CABIN1: variants seen among roughly 807,000 people sequenced by gnomAD.
CABIN1 encodes the protein calcineurin binding protein 1.
Under a neutral mutation model 227.7 loss-of-function variants are expected in CABIN1, and 133 were observed. That is an observed-to-expected ratio of 0.58 (90% CI 0.51 to 0.67). The LOEUF is 0.67. Ranked by LOEUF, CABIN1 falls within the 30% of genes least tolerant of loss-of-function variation. CABIN1 has a pLI of 0.00. For synonymous variants in CABIN1, 1,086 were observed against 1,155.1 expected (o/e 0.94, Z 1.21); for missense variants, 2,408 against 2,852.5 (o/e 0.84, Z 3.55).
At chr22:24,152,891 A>G (rs1327597511) in intron 29 of CABIN1, among the ~76,000 whole-genome samples, 1 of 151,970 alleles carries the variant, frequency 6.6e-6, no homozygotes, top group Non-Finnish European at 1.5e-5. Context: ...CAGAGGTTGC[A>G]GTGAGCCAAG....
intron 3 of CABIN1, among the ~76,000 whole-genome samples, chr22:24,038,066 C>T (rs1013751308): frequency 2.0e-4 from 31 of 152,186 alleles, no homozygotes; most frequent in African/African-American, 7.5e-4. Flanking sequence ...CTCCCAGCAC[C>T]TTGATGTTGT....
intron 29 of CABIN1, among the ~76,000 whole-genome samples, chr22:24,159,076 C>G (rs114854849): frequency 0.01 from 1,542 of 152,310 alleles, 24 homozygotes; most frequent in African/African-American, 0.035. Flanking sequence ...TCTCTTCCCC[C>G]CAGGGGCTTC....
At chr22:24,038,009 A>G (rs974864571) in intron 3 of CABIN1, among the ~76,000 whole-genome samples, 3 of 152,238 alleles carry the variant, frequency 2.0e-5, no homozygotes, top group Non-Finnish European at 2.9e-5. Flanking sequence ...ATGGCAAGGT[A>G]TGGGGTGGAT....
chr22:24,175,839 G>A (rs1653918154), intron 34 of CABIN1: 2 of 564,010 alleles, frequency 3.5e-6, no homozygotes, highest in Admixed American at 3.0e-5. Flanking sequence ...GAAGACTCAG[G>A]TGTGGCCCCA....
At chr22:24,167,386 G>A (rs931857773) in intron 32 of CABIN1, 73 bp downstream of exon 32, 4 of 1,470,594 alleles carry the variant, frequency 2.7e-6, no homozygotes, top group Non-Finnish European at 2.8e-6. Flanking sequence ...CTATCCTCAA[G>A]GAGGGTCTCC....
At chr22:24,017,428 C>T (rs754182782) in intron 1 of CABIN1, among the ~76,000 whole-genome samples, 13 of 152,172 alleles carry the variant, frequency 8.5e-5, no homozygotes, top group Non-Finnish European at 1.3e-4. Context: ...CATCCATCTC[C>T]GGAACTTTTT....
At chr22:24,023,859 G>C (rs190892515) in intron 1 of CABIN1, among the ~76,000 whole-genome samples, 9 of 151,738 alleles carry the variant, frequency 5.9e-5, no homozygotes, top group African/African-American at 2.2e-4. Flanking sequence ...TCAGCCTTCT[G>C]AGTAGCTGGA....
intron 29 of CABIN1, among the ~76,000 whole-genome samples, chr22:24,141,021 CTA>C (rs1407065750): frequency 6.6e-6 from 1 of 152,224 alleles, no homozygotes; most frequent in Non-Finnish European, 1.5e-5. Context: ...TGGATGAAAG[CTA>C]TCATCACACA....
At chr22:24,174,442 G>A (rs145828961) in intron 34 of CABIN1, among the ~76,000 whole-genome samples, 276 of 152,272 alleles carry the variant, frequency 1.8e-3, no homozygotes, top group African/African-American at 5.9e-3. Context: ...GGATGGTGAC[G>A]TCAAGGTGTG....
chr22:24,067,948 T>C (rs145941063), intron 16 of CABIN1, among the ~76,000 whole-genome samples: 33 of 152,254 alleles, frequency 2.2e-4, no homozygotes, highest in African/African-American at 7.5e-4. Context: ...AAAATATGCT[T>C]AGTGGCATTG....
At chr22:24,098,527 G>A (rs1051164536) in intron 26 of CABIN1, among the ~76,000 whole-genome samples, 2 of 152,124 alleles carry the variant, frequency 1.3e-5, no homozygotes, top group African/African-American at 2.4e-5. Context: ...GAAGAGTGTG[G>A]CCTCCTGGAG....
intron 1 of CABIN1, among the ~76,000 whole-genome samples, chr22:24,019,313 G>A (rs2035537518): frequency 6.6e-6 from 1 of 150,550 alleles, no homozygotes; most frequent in Non-Finnish European, 1.5e-5. Context: ...TGTATTTTTG[G>A]TAGAGACAGG....
chr22:24,112,104 G>A (rs2042839946), intron 26 of CABIN1, among the ~76,000 whole-genome samples: 1 of 152,168 alleles, frequency 6.6e-6, no homozygotes, highest in African/African-American at 2.4e-5. Flanking sequence ...TTATCTGTGA[G>A]TCTGGTTCTG....
At position 24,059,908 on chromosome 22, in the gene CABIN1, C is replaced by G. The variant is rs758002272; in HGVS notation, c.1400-16C>G. The G allele has an allele frequency of 6.2e-7, 1 of 1,612,508 alleles. No individual in the cohort carries two copies. The highest frequency in any genetic ancestry group is 1.3e-5 in the African/African-American group (1 of 74,888). On this transcript the variant is annotated splice_polypyrimidine_tract_variant and intron_variant, in intron 11 of 36. Coordinates refer to ENST00000263119, the MANE Select transcript of CABIN1 (RefSeq NM_012295.4). ...TACTCTTTATTCAAGTCAGGTTGTTCTTGCTCCCCGGGCAGAAAAGCAGGA... is the reference window on the plus strand; with the variant it reads ...TACTCTTTATTCAAGTCAGGTTGTTGTTGCTCCCCGGGCAGAAAAGCAGGA...
intron 29 of CABIN1, among the ~76,000 whole-genome samples, chr22:24,136,739 GCACACACA>G (rs200091743): frequency 4.3e-5 from 6 of 139,722 alleles, no homozygotes; most frequent in South Asian, 2.3e-4. Flanking sequence ...ACACACACAC[GCACACACA>G]CACACACACA....
intron 29 of CABIN1, among the ~76,000 whole-genome samples, chr22:24,139,432 G>A (rs1410153972): frequency 6.6e-6 from 1 of 152,134 alleles, no homozygotes; most frequent in Admixed American, 6.5e-5. Context: ...CGGGCGTGGT[G>A]GTGCATGCCT....
chr22:24,035,529 T>C lies in CABIN1; in HGVS notation c.3+9T>C. On this transcript the variant is annotated intron_variant, in intron 2 of 36. Transcript: ENST00000263119. ...GAATCTCTCTGAATATGGTAAGGAC[T>C]GATGCCTGCCTATTTTGCGGACCTC... 6.2e-7 allele frequency: 1 copy of C among 1,614,204 alleles called. No homozygotes were observed. The highest frequency in any genetic ancestry group is 1.3e-5 in the African/African-American group (1 of 75,056).
chr22:24,122,945 A>G (rs2043506650), intron 28 of CABIN1, among the ~76,000 whole-genome samples: 1 of 152,142 alleles, frequency 6.6e-6, no homozygotes, highest in Non-Finnish European at 1.5e-5. Context: ...ACCTGTTCTG[A>G]GGGTCACACA....
intron 27 of CABIN1, among the ~76,000 whole-genome samples, chr22:24,118,806 T>A (rs930022389): frequency 3.3e-5 from 5 of 152,216 alleles, no homozygotes; most frequent in African/African-American, 1.2e-4. Flanking sequence ...TGCTGCCCCA[T>A]GGCCCCTGGT....
Sources: allele counts gnomAD v4.1 joint callset (sites outside exome capture counted in the v4.1 genomes callset), GRCh38; gene constraint gnomAD v4.1.1; transcripts MANE v1.5; gene names NCBI Gene and HGNC (gene_info 2026-07-23, HGNC 2026-07-21).